Variants in PPARGC1A observed in about 807,000 individuals in gnomAD.
The protein encoded by PPARGC1A is PPARG coactivator 1 alpha, also known as peroxisome proliferator-activated receptor gamma coactivator 1-alpha.
In PPARGC1A, 25 loss-of-function variants were observed where a neutral mutation model predicts 88.7. The observed-to-expected ratio is 0.28, with a 90% confidence interval of 0.21 to 0.39. PPARGC1A has a LOEUF of 0.39. PPARGC1A is among the 10% of genes least tolerant of loss of function. The probability of loss-of-function intolerance (pLI) is 1.00; values close to 1 mark genes in which losing one functional copy is unlikely to be tolerated. For missense variants in PPARGC1A, 880 were observed against 968.7 expected (o/e 0.91, Z 1.22); for synonymous variants, 363 against 355.6 (o/e 1.02, Z -0.24).
At chr4:24,467,591 G>A in the PPARGC1A span, among the ~76,000 whole-genome samples, 1 of 151,970 alleles carries the variant, frequency 6.6e-6, no homozygotes, top group Non-Finnish European at 1.5e-5. Context: ...TGGACTGAAT[G>A]GAAAAGAAGT....
At chr4:24,199,476 A>G in the PPARGC1A span, among the ~76,000 whole-genome samples, 1 of 152,174 alleles carries the variant, frequency 6.6e-6, no homozygotes, top group Non-Finnish European at 1.5e-5. Flanking sequence ...GGAATCAGAG[A>G]GAGTGCCACA....
chr4:24,320,957 G>T, the PPARGC1A span, among the ~76,000 whole-genome samples: 22 of 152,230 alleles, frequency 1.4e-4, no homozygotes, highest in East Asian at 4.2e-3. Context: ...CCAAAAATTA[G>T]CCTTACAAGT....
chr4:23,970,218 C>A, the PPARGC1A span, among the ~76,000 whole-genome samples: 3 of 152,182 alleles, frequency 2.0e-5, no homozygotes, highest in African/African-American at 7.2e-5. Flanking sequence ...CCATAAATTT[C>A]AACTCACCAT....
chr4:24,252,034 T>C, the PPARGC1A span, among the ~76,000 whole-genome samples: 3 of 152,198 alleles, frequency 2.0e-5, no homozygotes, highest in Non-Finnish European at 2.9e-5. Context: ...TGTCTGTCTT[T>C]TCCCCCTGTT....
At position 23,813,673 on chromosome 4, in the gene PPARGC1A, G is replaced by A. The variant is rs780489206; in HGVS notation, c.1793+17C>T. 1 of 1,510,544 alleles carries A rather than the reference G, an allele frequency of 6.6e-7. No individual in the cohort carries two copies. The highest frequency in any genetic ancestry group is 2.3e-5 in the East Asian group (1 of 44,196). The allele number at this position is 1,510,544 out of a possible 1,614,324, so 93.6% of individuals were successfully genotyped here. On this transcript the variant is annotated intron_variant, in intron 8 of 12. Coordinates refer to ENST00000264867, the MANE Select transcript of PPARGC1A (RefSeq NM_013261.5). ...TAGGAACACCTTTTGTGTTATTAGG[G>A]TTTTGCCAAGGTTTACCTTGAAGAG...
the PPARGC1A span, among the ~76,000 whole-genome samples, chr4:23,957,230 G>T: frequency 6.6e-6 from 1 of 152,044 alleles, no homozygotes; most frequent in Non-Finnish European, 1.5e-5. Flanking sequence ...CAGCTCACAT[G>T]TCACTTCCTC....
chr4:23,848,064 TA>T (rs1313902099), intron 2 of PPARGC1A, among the ~76,000 whole-genome samples: 1 of 152,122 alleles, frequency 6.6e-6, no homozygotes, highest in East Asian at 1.9e-4. Context: ...TTTTGATCTG[TA>T]AAAAGGCAGA....
the PPARGC1A span, among the ~76,000 whole-genome samples, chr4:24,349,121 G>A: frequency 6.6e-6 from 1 of 152,192 alleles, no homozygotes; most frequent in Non-Finnish European, 1.5e-5. Flanking sequence ...CTGGTACTGG[G>A]GGTTGTCTGC....
At chr4:24,141,642 C>T in the PPARGC1A span, among the ~76,000 whole-genome samples, 2 of 152,124 alleles carry the variant, frequency 1.3e-5, no homozygotes, top group African/African-American at 2.4e-5. Context: ...GCTGTCATCT[C>T]GAAATGACCA....
At position 23,844,680 on chromosome 4, in the gene PPARGC1A, A is replaced by G. The variant is rs1309807619; in HGVS notation, c.235-12929T>C. ...TATATATCATATATTATAATAATATATATCATATAATATATGATCTATCAT... is the reference window on the plus strand; with the variant it reads ...TATATATCATATATTATAATAATATGTATCATATAATATATGATCTATCAT... On this transcript the variant is annotated intron_variant, in intron 2 of 12. Transcript: ENST00000264867. 2.0e-4 allele frequency among the ~76,000 whole-genome samples: 21 copies of G among 103,226 alleles called. 2 individuals are homozygous for G. The South Asian group carries it at 5.5e-3, about 27-fold the overall frequency. The allele number at this position is 103,226 out of a possible 152,430, so 67.7% of individuals were successfully genotyped here.
upstream of PPARGC1A, among the ~76,000 whole-genome samples, chr4:23,906,607 C>CAAA (rs35171233): frequency 3.6e-3 from 222 of 61,464 alleles, no homozygotes; most frequent in Middle Eastern, 0.01. Context: ...CTCTGTCTCA[C>CAAA]AAAAAAAAAA....
chr4:24,135,815 C>A, the PPARGC1A span, among the ~76,000 whole-genome samples: 1 of 152,150 alleles, frequency 6.6e-6, no homozygotes, highest in East Asian at 1.9e-4. Context: ...TTGATTAATC[C>A]TTCAGAATTT....
At chr4:23,873,920 C>T (rs555945636) in intron 2 of PPARGC1A, among the ~76,000 whole-genome samples, 1 of 152,270 alleles carries the variant, frequency 6.6e-6, no homozygotes, top group South Asian at 2.1e-4. Context: ...CCAGATTAGC[C>T]AATTAGCATT....
chr4:24,084,374 A>G, the PPARGC1A span, among the ~76,000 whole-genome samples: 1 of 152,260 alleles, frequency 6.6e-6, no homozygotes, highest in Admixed American at 6.5e-5. Context: ...TGAGAGCAAC[A>G]GCCGCAGGCT....
At chr4:24,027,872 A>G in the PPARGC1A span, among the ~76,000 whole-genome samples, 7 of 152,200 alleles carry the variant, frequency 4.6e-5, no homozygotes, top group African/African-American at 1.7e-4. Context: ...CTTGCAACAT[A>G]CCGATCAGTG....
chr4:24,393,490 G>C, the PPARGC1A span, among the ~76,000 whole-genome samples: 1 of 152,162 alleles, frequency 6.6e-6, no homozygotes, highest in Non-Finnish European at 1.5e-5. Flanking sequence ...CATGGTAATA[G>C]TATTAAATCA....
the PPARGC1A span, among the ~76,000 whole-genome samples, chr4:23,993,857 T>C: frequency 6.6e-6 from 1 of 152,136 alleles, no homozygotes; most frequent in Admixed American, 6.5e-5. Context: ...CAATAGTTTC[T>C]TGAGTGACTA....
chr4:24,325,648 G>A, the PPARGC1A span, among the ~76,000 whole-genome samples: 16 of 152,070 alleles, frequency 1.1e-4, no homozygotes, highest in Non-Finnish European at 1.5e-4. Flanking sequence ...CTGTCTGACC[G>A]ACTCCTTCTC....
At chr4:24,230,546 T>C in the PPARGC1A span, among the ~76,000 whole-genome samples, 11,974 of 152,234 alleles carry the variant, frequency 0.079, 677 homozygotes, top group African/African-American at 0.15. Flanking sequence ...TCTGGTACCC[T>C]GGGAACCACC....
Sources: allele counts gnomAD v4.1 joint callset (sites outside exome capture counted in the v4.1 genomes callset), GRCh38; gene constraint gnomAD v4.1.1; transcripts MANE v1.5; gene names NCBI Gene and HGNC (gene_info 2026-07-23, HGNC 2026-07-21).